The following FER variants were observed in gnomAD, a reference collection of about 807,000 sequenced individuals.
FER encodes the protein FER tyrosine kinase.
Under a neutral mutation model 111.0 loss-of-function variants are expected in FER, and 63 were observed. That is an observed-to-expected ratio of 0.57 (90% CI 0.46 to 0.70). The LOEUF is 0.70. Ranked by LOEUF, FER falls within the 30% of genes least tolerant of loss-of-function variation. FER has a pLI of 0.00. For synonymous variants in FER, 327 were observed against 313.9 expected, an observed-to-expected ratio of 1.04 and a Z score of -0.44; for missense variants, 914 against 954.0, an observed-to-expected ratio of 0.96 and a Z score of 0.55.
chr5:109,037,330 T>A (rs1053255013), intron 13 of FER, 92 bp from the exon 14 acceptor site: 7 of 952,990 alleles, frequency 7.3e-6, no homozygotes, highest in Non-Finnish European at 1.2e-5. Context: ...GAATGAAATA[T>A]CCCTTTAGGT....
At chr5:108,943,308 T>G (rs1756527825) in intron 10 of FER, among the ~76,000 whole-genome samples, 1 of 152,184 alleles carries the variant, frequency 6.6e-6, no homozygotes, top group Non-Finnish European at 1.5e-5. Flanking sequence ...AGCCAGTGCC[T>G]TTCTTTTTTC....
intron 10 of FER, among the ~76,000 whole-genome samples, chr5:108,915,853 C>G (rs1351272701): frequency 2.0e-5 from 3 of 151,992 alleles, no homozygotes; most frequent in African/African-American, 7.2e-5. Context: ...GATAAAAGGA[C>G]AAACAAAAAG....
chr5:108,884,202 T>C (rs1746702324), intron 9 of FER, among the ~76,000 whole-genome samples: 1 of 152,052 alleles, frequency 6.6e-6, no homozygotes, highest in South Asian at 2.1e-4. Flanking sequence ...GCTATTATAC[T>C]CTCACATATT....
chr5:109,195,925 T>G lies in FER; in HGVS notation c.*8350T>G, dbSNP rs1357816343. The G allele has an allele frequency of 5.9e-5, 9 of 152,304 alleles. No homozygotes were observed. Among genetic ancestry groups the G allele is most frequent in the Non-Finnish European group, 1.3e-4 (9 of 68,102 alleles). 9.4% of individuals were successfully genotyped at this position (152,304 alleles called of 1,614,324 possible). A position where few individuals can be genotyped will look rare whatever the true frequency, so the allele number is the denominator to read the frequency against. On this transcript the variant is annotated 3_prime_UTR_variant, in exon 20 of 20. Transcript: ENST00000281092. ...TGGTGGTGGTGCAAATTCTGCTGGC[T>G]TTATGTTATGGTTTTCTTCGTGTTT...
At chr5:109,005,812 C>T (rs1765425481) in intron 13 of FER, among the ~76,000 whole-genome samples, 1 of 152,174 alleles carries the variant, frequency 6.6e-6, no homozygotes, top group Non-Finnish European at 1.5e-5. Flanking sequence ...AACTCTTGTA[C>T]AGTGCTTCAC....
chr5:109,107,871 C>T (rs1749134608), intron 17 of FER, among the ~76,000 whole-genome samples: 1 of 152,152 alleles, frequency 6.6e-6, no homozygotes, highest in African/African-American at 2.4e-5. Context: ...CTAATATAAC[C>T]TGCCAGGCCC....
At chr5:108,786,796 G>A (rs568104821) in intron 2 of FER, among the ~76,000 whole-genome samples, 5 of 152,174 alleles carry the variant, frequency 3.3e-5, no homozygotes, top group Non-Finnish European at 5.9e-5. Context: ...CACCGTGCCC[G>A]GCCAAATTTT....
chr5:109,050,520 C>G (rs1370201929), intron 16 of FER, among the ~76,000 whole-genome samples: 2 of 152,118 alleles, frequency 1.3e-5, no homozygotes, highest in African/African-American at 4.8e-5. Flanking sequence ...TTCCCTGACT[C>G]TAGCTCAAAA....
intron 13 of FER, among the ~76,000 whole-genome samples, chr5:108,973,236 T>C (rs1351216554): frequency 6.6e-6 from 1 of 152,190 alleles, no homozygotes; most frequent in East Asian, 1.9e-4. Context: ...ATCTTTATCA[T>C]ATTAATTAAA....
chr5:108,967,098 G>GTGGCCTGCTCACT (rs1326214120), intron 13 of FER, among the ~76,000 whole-genome samples: 7 of 152,118 alleles, frequency 4.6e-5, no homozygotes, highest in African/African-American at 1.7e-4. Context: ...GCTGCAACAG[G>GTGGCCTGCTCACT]TGGCCTGCTC....
intron 3 of FER, chr5:108,818,162 T>C (rs548710539): frequency 1.3e-5 from 2 of 152,340 alleles, no homozygotes; most frequent in Non-Finnish European, 2.9e-5. Context: ...ATGCGGTAGC[T>C]GACGCCTGTA....
chr5:109,160,655 T>A (rs553497371), intron 17 of FER, among the ~76,000 whole-genome samples: 1 of 152,144 alleles, frequency 6.6e-6, no homozygotes. Flanking sequence ...TTTTGTCTAA[T>A]TGTAAAATGC....
chr5:109,091,148 A>G (rs906032860), intron 16 of FER, among the ~76,000 whole-genome samples: 5 of 152,232 alleles, frequency 3.3e-5, no homozygotes, highest in African/African-American at 1.2e-4. Flanking sequence ...CTATTCATCA[A>G]AACAATGCAT....
At chr5:109,069,733 A>G (rs531789517) in intron 16 of FER, among the ~76,000 whole-genome samples, 5 of 152,202 alleles carry the variant, frequency 3.3e-5, no homozygotes, top group South Asian at 2.1e-4. Flanking sequence ...AAAATGTCCT[A>G]TTTCCAATCC....
At chr5:108,949,959 A>G (rs1348317695) in intron 11 of FER, among the ~76,000 whole-genome samples, 1 of 152,160 alleles carries the variant, frequency 6.6e-6, no homozygotes, top group Non-Finnish European at 1.5e-5. Flanking sequence ...AAAATAATAA[A>G]GAGAGAAAAG....
At chr5:109,025,157 A>G (rs1048809632) in intron 13 of FER, among the ~76,000 whole-genome samples, 1 of 152,030 alleles carries the variant, frequency 6.6e-6, no homozygotes, top group Non-Finnish European at 1.5e-5. Flanking sequence ...TTCTGTGAAG[A>G]AAGTCATTGG....
At chr5:108,763,386 G>T (rs1751975027) in intron 1 of FER, among the ~76,000 whole-genome samples, 1 of 152,174 alleles carries the variant, frequency 6.6e-6, no homozygotes, top group African/African-American at 2.4e-5. Flanking sequence ...ACAAAACAAT[G>T]TGATGAGGGC....
chr5:109,183,333 C>T (rs549173648), intron 18 of FER, among the ~76,000 whole-genome samples: 60 of 148,080 alleles, frequency 4.1e-4, no homozygotes, highest in Non-Finnish European at 7.3e-4. Context: ...ACGGCAACCT[C>T]TGCCTCCTGG....
intron 6 of FER, among the ~76,000 whole-genome samples, chr5:108,868,190 G>A (rs1764260127): frequency 6.6e-6 from 1 of 151,770 alleles, no homozygotes; most frequent in Non-Finnish European, 1.5e-5. Context: ...TGTTTCCTTA[G>A]CTGGAAATTT....
Sources: gnomAD v4.1 joint callset for allele counts (sites outside exome capture counted in the v4.1 genomes callset) on GRCh38, gnomAD v4.1.1 for gene constraint, MANE v1.5 for transcripts, NCBI Gene and HGNC (gene_info 2026-07-23, HGNC 2026-07-21) for gene names.